Variants in ZNF611 observed in about 807,000 individuals in gnomAD.
The protein encoded by ZNF611 is zinc finger protein 611.
Under a neutral mutation model 8.9 loss-of-function variants are expected in ZNF611, and 6 were observed. The observed-to-expected ratio is 0.68, with a 90% CI of 0.37 to 1.34. The LOEUF (loss-of-function observed/expected upper bound fraction) is 1.34. Among genes scored for constraint, ZNF611 ranks in the 40% most tolerant of loss-of-function variants. The pLI, the probability that ZNF611 is intolerant of heterozygous loss-of-function variation, is 0.02. For missense variants in ZNF611, 874 were observed against 841.3 expected, an observed-to-expected ratio of 1.04 and a Z score of -0.48; for synonymous variants, 262 against 279.7, an observed-to-expected ratio of 0.94 and a Z score of 0.63.
intron 5 of ZNF611, 24 bp downstream of exon 5, chr19:52,713,991 T>A: frequency 6.2e-7 from 1 of 1,613,886 alleles, no homozygotes. Flanking sequence ...AGACTCCTCA[T>A]GTCTGCAGGG....
intron 3 of ZNF611, among the ~76,000 whole-genome samples, chr19:52,718,004 T>C (rs1415929215): frequency 6.6e-6 from 1 of 152,144 alleles, no homozygotes; most frequent in East Asian, 1.9e-4. Flanking sequence ...AATATAGATC[T>C]AATGAAATCT....
At chr19:52,721,496 T>G (rs1032406101) in intron 3 of ZNF611, among the ~76,000 whole-genome samples, 1 of 152,186 alleles carries the variant, frequency 6.6e-6, no homozygotes, top group Non-Finnish European at 1.5e-5. Context: ...CCGGCCAACA[T>G]GGCGAAACCC....
chr19:52,719,547 C>T (rs1022640969), intron 3 of ZNF611, among the ~76,000 whole-genome samples: 1 of 152,126 alleles, frequency 6.6e-6, no homozygotes. Flanking sequence ...AATTTGTTAC[C>T]TTATAAACAG....
At chr19:52,716,723 G>C (rs1600318229) in intron 3 of ZNF611, among the ~76,000 whole-genome samples, 1 of 152,152 alleles carries the variant, frequency 6.6e-6, no homozygotes, top group Admixed American at 6.6e-5. Context: ...CCCTGACACA[G>C]ATGCATATCT....
chr19:52,706,145 A>G lies in ZNF611; in HGVS notation c.910T>C (p.Cys304Arg), dbSNP rs1387146364. The change falls in exon 6 of 6, where the codon TGC becomes CGC. Residue 304 changes from cysteine to arginine, a missense_variant. Transcript: ENST00000652185. The stretch of plus-strand genomic sequence containing the variant: ...ACTCCAGTATGAAGTCTACGATGGC[A>G]GGTAAGGGATGACTCCTGACTGAAG... ...KTFSQESSLT[C>R]HRRLHTGVKR... 2 of 1,614,086 alleles carry G rather than the reference A, an allele frequency of 1.2e-6. No homozygotes were observed. Among genetic ancestry groups the G allele is most frequent in the South Asian group, 2.2e-5 (2 of 91,082 alleles).
intron 2 of ZNF611, among the ~76,000 whole-genome samples, chr19:52,729,354 A>G (rs1214791856): frequency 2.6e-5 from 4 of 151,898 alleles, no homozygotes; most frequent in Admixed American, 6.6e-5. Flanking sequence ...TTAGCCAGGC[A>G]TGGTGGCTTG....
chr19:52,733,957 T>C (rs2062441034), intron 1 of ZNF611, among the ~76,000 whole-genome samples: 1 of 87,158 alleles, frequency 1.1e-5, no homozygotes, highest in Non-Finnish European at 2.5e-5. Flanking sequence ...ACTCTGTGTC[T>C]CCCCAGATCC....
At position 52,706,292 on chromosome 19, in the gene ZNF611, C is replaced by T. The variant is rs749694845; in HGVS notation, c.763G>A (p.Gly255Arg). 8 of 1,614,004 alleles carry T rather than the reference C, an allele frequency of 5.0e-6. No homozygotes were observed. The South Asian group carries it at 5.5e-5, about 11-fold the overall frequency. ...ACATCACATTTATATTGTTTGTCTC[C>T]TAAATGGGGTATCTGGTGTTTCCTT... is the stretch of plus-strand genomic sequence containing the variant. ...LLRKHQIPHL[G>R]DKQYKCDVCG... The change falls in exon 6 of 6, where the codon GGA becomes AGA. Residue 255 changes from glycine (G) to arginine (R), a missense_variant. By Grantham distance (125) the Gly-to-Arg change is moderately radical. Transcript: ENST00000652185.
chr19:52,733,019 T>C (rs1478315994), intron 1 of ZNF611, among the ~76,000 whole-genome samples: 1 of 152,120 alleles, frequency 6.6e-6, no homozygotes, highest in Non-Finnish European at 1.5e-5. Context: ...TTTTCCCACT[T>C]CACTGACCCA....
intron 3 of ZNF611, among the ~76,000 whole-genome samples, chr19:52,722,905 GT>G (rs372056346): frequency 0.027 from 3,205 of 119,940 alleles, 87 homozygotes; most frequent in African/African-American, 0.085. Flanking sequence ...TTTTGTTTTC[GT>G]TTTTTTTTTT....
chr19:52,715,720 G>C, intron 4 of ZNF611, 112 bp downstream of exon 4: 2 of 1,522,714 alleles, frequency 1.3e-6, no homozygotes, highest in South Asian at 1.2e-5. Context: ...GGGTGAGTGC[G>C]AGTGAACGTG....
intron 5 of ZNF611, among the ~76,000 whole-genome samples, chr19:52,711,879 G>A (rs1231939200): frequency 6.6e-6 from 1 of 152,082 alleles, no homozygotes; most frequent in Non-Finnish European, 1.5e-5. Context: ...GGCCAGGAAA[G>A]GAAGGGCAAG....
rs1484932005 is a variant in ZNF611, at chr19:52,732,287, A to ACAGAATAACTCACAGTATTGAGTTATT, written c.-221-2309_-221-2283dup. ...TCCATCTCAAAAAAGAAAAAAGAAA[A>ACAGAATAACTCACAGTATTGAGTTATT]CAGAATAACTCACAGTATTGAGTTA... On this transcript the variant is annotated intron_variant, in intron 1 of 5. Transcript: ENST00000652185. Among the ~76,000 whole-genome samples, 10 of 124,966 alleles carry ACAGAATAACTCACAGTATTGAGTTATT rather than the reference A, an allele frequency of 8.0e-5. 1 individual carries two copies. The highest frequency in any genetic ancestry group is 1.6e-4 in the Non-Finnish European group (9 of 56,156). The allele number at this position is 124,966 out of a possible 152,430, so 82.0% of individuals were successfully genotyped here.
At chr19:52,710,113 G>A (rs1221087016) in intron 5 of ZNF611, among the ~76,000 whole-genome samples, 11 of 151,694 alleles carry the variant, frequency 7.3e-5, no homozygotes, top group Admixed American at 5.9e-4. Context: ...ACTGAGTAAT[G>A]CTTCATCACC....
chr19:52,705,609 G>A lies in ZNF611; in HGVS notation c.1446C>T (p.Tyr482=). 1.4e-5 allele frequency: 22 copies of A among 1,613,938 alleles called. No homozygotes were observed. Among genetic ancestry groups the A allele is most frequent in the East Asian group, 2.2e-5 (1 of 44,872 alleles). The change falls in exon 6 of 6, where the codon TAC becomes TAT. Residue 482 remains tyrosine (Y), a synonymous_variant. Transcript: ENST00000652185. ...AGGTCTTCCCACATTCATTACACTT[G>A]TAAGGTTTTTCTCCACAGTCAATTC... ...HTRIDCGEKP[Y]KCNECGKTFG...
Position 52,706,462 on chromosome 19 carries a change from C to T in ZNF611, c.593G>A (p.Cys198Tyr), listed in dbSNP as rs766024867. 4.3e-6 allele frequency: 7 copies of T among 1,614,010 alleles called. No individual in the cohort carries two copies. The highest frequency in any genetic ancestry group is 4.0e-5 in the African/African-American group (3 of 74,920). Residue 198 changes from cysteine (C) to tyrosine (Y), a missense_variant, in exon 6 of 6, where the codon TGT (cysteine) becomes TAT (tyrosine). By Grantham distance (194) the Cys-to-Tyr change is radical (BLOSUM62 -2). Transcript: ENST00000652185. Reference sequence around the variant, plus strand: ...ATTAGAAATCTGGGTTTGGGGCCTACAGGAAATTCTTTGGAATGTTGAAAC... The same window carrying T: ...ATTAGAAATCTGGGTTTGGGGCCTATAGGAAATTCTTTGGAATGTTGAAAC... ...PSVSTFQRIS[C>Y]RPQTQISNNY...
intron 1 of ZNF611, among the ~76,000 whole-genome samples, chr19:52,730,984 G>A (rs892160079): frequency 2.6e-5 from 4 of 152,002 alleles, no homozygotes; most frequent in African/African-American, 9.7e-5. Context: ...CACTCAGGCT[G>A]GAGTGTAGTG....
Position 52,706,037 on chromosome 19 carries a change from C to A in ZNF611, c.1018G>T (p.Glu340Ter), listed in dbSNP as rs770411409. ...LLIDKAIDTG[E>*]NPYKCNECDK... ...CATTCATTACACTTGTAAGGATTTT[C>A]TCCAGTATCAATTGCCTTATCAATT... The change falls in exon 6 of 6, where the codon GAA (glutamate) becomes TAA (stop). Residue 340 changes from glutamate to a stop codon, truncating the protein, a stop_gained. Coordinates refer to ENST00000652185, the MANE Select transcript of ZNF611 (RefSeq NM_001161499.2). LOFTEE classifies it low-confidence loss of function (END_TRUNC). 1 of 1,614,126 alleles carries A rather than the reference C, an allele frequency of 6.2e-7. No homozygotes were observed. Among genetic ancestry groups the A allele is most frequent in the Non-Finnish European group, 8.5e-7 (1 of 1,180,012 alleles).
chr19:52,706,009 T>C lies in ZNF611; in HGVS notation c.1046A>G (p.Asp349Gly). ...TTGTGATTGTTGATTAAAAGCCTTG[T>C]CACATTCATTACACTTGTAAGGATT... ...GENPYKCNEC[D>G]KAFNQQSQLS... Residue 349 changes from aspartate to glycine, a missense_variant, in exon 6 of 6, where the codon GAC becomes GGC. Asp to Gly is a moderately conservative substitution (Grantham distance 94). Coordinates refer to ENST00000652185, the MANE Select transcript of ZNF611 (RefSeq NM_001161499.2). The C allele has an allele frequency of 6.2e-7, 1 of 1,614,160 alleles. No individual in the cohort carries two copies. The highest frequency in any genetic ancestry group is 2.2e-5 in the East Asian group (1 of 44,868).
Sources: allele counts gnomAD v4.1 joint callset (sites outside exome capture counted in the v4.1 genomes callset), GRCh38; gene constraint gnomAD v4.1.1; transcripts MANE v1.5; gene names NCBI Gene and HGNC (gene_info 2026-07-23, HGNC 2026-07-21).